The following AUTS2 variants were observed in gnomAD, a reference collection of about 807,000 sequenced individuals.
AUTS2 encodes autism susceptibility gene 2 protein.
Under a neutral mutation model 112.4 loss-of-function variants are expected in AUTS2, and 17 were observed. The observed-to-expected ratio is 0.15, with a 90% CI of 0.10 to 0.23. The LOEUF is 0.23. Ranked by LOEUF, AUTS2 falls within the 10% of genes least tolerant of loss-of-function variation. AUTS2 has a pLI of 1.00. For synonymous variants in AUTS2, 751 were observed against 702.7 expected (o/e 1.07, Z -1.09); for missense variants, 1,510 against 1,701.6 (o/e 0.89, Z 1.98).
intron 6 of AUTS2, among the ~76,000 whole-genome samples, chr7:70,739,003 C>CTTTTTTTTGTTTTTTTTTTTTTTTTT (rs1787939900): frequency 1.7e-5 from 1 of 57,298 alleles, no homozygotes; most frequent in Non-Finnish European, 3.2e-5. Context: ...GTTTTGAGGC[C>CTTTTTTTTGTTTTTTTTTTTTTTTTT]TTTTTTTTTT....
At chr7:70,424,778 G>T (rs1423532501) in intron 4 of AUTS2, among the ~76,000 whole-genome samples, 1 of 152,012 alleles carries the variant, frequency 6.6e-6, no homozygotes, top group African/African-American at 2.4e-5. Context: ...CAGGGACAGG[G>T]GTCTCGCTAT....
At chr7:69,600,408 C>CGTGTGT (rs113179115) in intron 1 of AUTS2, among the ~76,000 whole-genome samples, 3,005 of 143,370 alleles carry the variant, frequency 0.021, 57 homozygotes, top group Non-Finnish European at 0.028. Flanking sequence ...GTCATATGTT[C>CGTGTGT]GTGTGTGTGT....
chr7:70,168,431 C>G (rs1255292105), intron 4 of AUTS2, among the ~76,000 whole-genome samples: 6 of 152,210 alleles, frequency 3.9e-5, no homozygotes, highest in Non-Finnish European at 8.8e-5. Context: ...ATTCTCCTGC[C>G]TCAGCCTCCC....
At chr7:69,964,606 A>G (rs1797562323) in intron 2 of AUTS2, among the ~76,000 whole-genome samples, 1 of 151,810 alleles carries the variant, frequency 6.6e-6, no homozygotes, top group Non-Finnish European at 1.5e-5. Context: ...AAGCCTATGA[A>G]TGAGTCTTAA....
intron 16 of AUTS2, chr7:70,785,621 G>A: frequency 2.3e-6 from 1 of 435,010 alleles, no homozygotes; most frequent in East Asian, 6.2e-5. Flanking sequence ...TTTCTGTTCT[G>A]TTAGAATCTG....
intron 2 of AUTS2, among the ~76,000 whole-genome samples, chr7:69,976,686 C>T (rs1200556357): frequency 6.6e-6 from 1 of 152,168 alleles, no homozygotes; most frequent in Admixed American, 6.5e-5. Flanking sequence ...GGGGATAATG[C>T]ATTTCTCTAA....
intron 5 of AUTS2, among the ~76,000 whole-genome samples, chr7:70,476,056 A>G (rs183937284): frequency 6.6e-6 from 1 of 152,272 alleles, no homozygotes; most frequent in Non-Finnish European, 1.5e-5. Context: ...TAAAAAAAGC[A>G]ACCAGTAATA....
intron 5 of AUTS2, among the ~76,000 whole-genome samples, chr7:70,545,643 C>T (rs143257439): frequency 2.8e-4 from 43 of 152,332 alleles, no homozygotes; most frequent in Non-Finnish European, 4.1e-4. Context: ...TGACCTCCCA[C>T]GATCTTTCTC....
In AUTS2 at chr7:70,620,375, T is replaced by C. The variant is rs569971941; in HGVS notation, c.691-78194T>C. 1.2e-4 allele frequency among the ~76,000 whole-genome samples: 19 copies of C among 152,274 alleles called. No homozygotes were observed. The South Asian group carries it at 3.7e-3, about 30-fold the overall frequency. ...AAGTGAGAAATTCTCCAGCGGAGCG[T>C]GTAGCCGTACCCTGGTTTACCTGTT... On this transcript the variant is annotated intron_variant, in intron 5 of 18. Coordinates refer to ENST00000342771, the MANE Select transcript of AUTS2 (RefSeq NM_015570.4).
Position 70,241,322 on chromosome 7 carries a change from G to A in AUTS2, c.660+106751G>A, listed in dbSNP as rs556446382. On this transcript the variant is annotated intron_variant, in intron 4 of 18. Transcript: ENST00000342771. ...TTGATTTTCTTTAAGGAAATTCATT[G>A]CCTTAACATTACATACTTGCCTTTG... Among the ~76,000 whole-genome samples the A allele has an allele frequency of 4.6e-5, 7 of 152,180 alleles. No homozygotes were observed. In the South Asian group the frequency reaches 1.5e-3, roughly 32 times the overall value.
At chr7:70,300,199 C>T (rs771007749) in intron 4 of AUTS2, among the ~76,000 whole-genome samples, 8 of 151,994 alleles carry the variant, frequency 5.3e-5, no homozygotes, top group Non-Finnish European at 8.8e-5. Context: ...TCTTAGGCCA[C>T]GCATAAAATA....
chr7:70,706,856 T>C (rs1308773504), intron 6 of AUTS2, among the ~76,000 whole-genome samples: 3 of 152,224 alleles, frequency 2.0e-5, no homozygotes, highest in African/African-American at 7.2e-5. Context: ...GGAAGCATGA[T>C]TGCTGTAAAA....
At chr7:69,702,205 A>T (rs900433463) in intron 1 of AUTS2, among the ~76,000 whole-genome samples, 1 of 152,186 alleles carries the variant, frequency 6.6e-6, no homozygotes, top group Non-Finnish European at 1.5e-5. Context: ...GAAGGAGCTC[A>T]TTTTGGGGAA....
At chr7:69,794,664 T>C (rs1168303775) in intron 1 of AUTS2, among the ~76,000 whole-genome samples, 2 of 152,166 alleles carry the variant, frequency 1.3e-5, no homozygotes, top group African/African-American at 4.8e-5. Context: ...TTTTTTAATG[T>C]CACTATTTTG....
intron 5 of AUTS2, among the ~76,000 whole-genome samples, chr7:70,589,289 G>T (rs1482788770): frequency 6.6e-6 from 1 of 152,216 alleles, no homozygotes; most frequent in East Asian, 1.9e-4. Flanking sequence ...ACAAACGAGA[G>T]CCCTCCCAGG....
chr7:70,741,413 C>T (rs1004177328), intron 6 of AUTS2, among the ~76,000 whole-genome samples: 8 of 151,842 alleles, frequency 5.3e-5, no homozygotes, highest in Admixed American at 2.0e-4. Context: ...ATAAATAGGC[C>T]GGGCGCGGTG....
chr7:70,555,663 G>A (rs907807066), intron 5 of AUTS2, among the ~76,000 whole-genome samples: 2 of 152,088 alleles, frequency 1.3e-5, no homozygotes, highest in Non-Finnish European at 2.9e-5. Flanking sequence ...TCCTCATTGT[G>A]TTAGGCAATT....
At chr7:70,370,589 A>G (rs1302835838) in intron 4 of AUTS2, among the ~76,000 whole-genome samples, 2 of 152,248 alleles carry the variant, frequency 1.3e-5, no homozygotes, top group East Asian at 1.9e-4. Flanking sequence ...ATTAATTGAT[A>G]GACATTGGGA....
At chr7:70,756,498 G>T (rs1789217180) in intron 6 of AUTS2, among the ~76,000 whole-genome samples, 1 of 152,108 alleles carries the variant, frequency 6.6e-6, no homozygotes, top group Non-Finnish European at 1.5e-5. Context: ...GATACTTAAT[G>T]TACCCATCTA....
Sources: gnomAD v4.1 joint callset for allele counts (sites outside exome capture counted in the v4.1 genomes callset) on GRCh38, gnomAD v4.1.1 for gene constraint, MANE v1.5 for transcripts, NCBI Gene and HGNC (gene_info 2026-07-23, HGNC 2026-07-21) for gene names.